The following PCDHGB3 variants were observed in gnomAD, a reference collection of about 807,000 sequenced individuals.
The protein encoded by PCDHGB3 is protocadherin gamma-B3.
In PCDHGB3, 40 loss-of-function variants were observed where a neutral mutation model predicts 59.2. That is an observed-to-expected ratio of 0.68 (90% confidence interval 0.52 to 0.88). The LOEUF (loss-of-function observed/expected upper bound fraction) is 0.88. Among genes scored for constraint, PCDHGB3 ranks in the 40% least tolerant of loss-of-function variants. The pLI, the probability that PCDHGB3 is intolerant of heterozygous loss-of-function variation, is 0.00. For synonymous variants in PCDHGB3, 581 were observed against 503.6 expected, an observed-to-expected ratio of 1.15 and a Z score of -2.06; for missense variants, 1,309 against 1,187.9, an observed-to-expected ratio of 1.10 and a Z score of -1.50.
chr5:141,444,305 A>G (rs62379165), intron 1 of PCDHGB3, among the ~76,000 whole-genome samples: 13,327 of 151,310 alleles, frequency 0.088, 765 homozygotes, highest in African/African-American at 0.16. Context: ...CCTAGTAGCT[A>G]GGATTACAGG....
At chr5:141,425,253 A>G (rs1019069029) in intron 1 of PCDHGB3, among the ~76,000 whole-genome samples, 12 of 152,196 alleles carry the variant, frequency 7.9e-5, no homozygotes, top group Non-Finnish European at 1.5e-4. Context: ...GATATGAGGT[A>G]TTTGGCTGGG....
intron 1 of PCDHGB3, among the ~76,000 whole-genome samples, chr5:141,435,043 C>T (rs2097739230): frequency 1.3e-5 from 2 of 151,658 alleles, no homozygotes; most frequent in African/African-American, 2.4e-5. Flanking sequence ...ATTTTTTTCC[C>T]ATTGACCATG....
chr5:141,431,506 G>T lies in PCDHGB3; in HGVS notation c.2415+58697G>T. 1.2e-6 allele frequency: 2 copies of T among 1,613,988 alleles called. No homozygotes were observed. Among genetic ancestry groups the T allele is most frequent in the South Asian group, 2.2e-5 (2 of 91,084 alleles). The stretch of plus-strand genomic sequence containing the variant: ...CGTTTGCTCAGCCCGAGTACCGCGC[G>T]AGCGTTCCGGAGAATCTGGCCTTGG... On this transcript the variant is annotated intron_variant, in intron 1 of 3. Coordinates refer to ENST00000576222, the MANE Select transcript of PCDHGB3 (RefSeq NM_018924.5). This position sits in a 1 kb window ranked among gnomAD's most constrained non-coding sequence, Gnocchi z 4.8.
chr5:141,418,246 C>T lies in PCDHGB3; in HGVS notation c.2415+45437C>T, dbSNP rs200526306. 4.5e-5 allele frequency: 72 copies of T among 1,614,020 alleles called. No individual in the cohort carries two copies. The African/African-American group carries it at 8.9e-4, about 20-fold the overall frequency. On this transcript the variant is annotated intron_variant, in intron 1 of 3. Coordinates refer to ENST00000576222, the MANE Select transcript of PCDHGB3 (RefSeq NM_018924.5). The stretch of plus-strand genomic sequence containing the variant: ...TGGTGATTGAGGATGTTAATGACCA[C>T]GCCCCTCAATTCCGGAAAGATGAAA...
intron 1 of PCDHGB3, chr5:141,410,847 G>GTTTTTTT (rs773839667): frequency 8.8e-5 from 14 of 158,320 alleles, no homozygotes; most frequent in African/African-American, 4.2e-4. Flanking sequence ...TTTTGTCTTT[G>GTTTTTTT]TCTTTTTTTT....
chr5:141,382,576 G>A (rs1778302308), intron 1 of PCDHGB3, among the ~76,000 whole-genome samples: 1 of 152,162 alleles, frequency 6.6e-6, no homozygotes, highest in Non-Finnish European at 1.5e-5. Context: ...ATCTAACAGG[G>A]AAATTTTGAA....
intron 1 of PCDHGB3, among the ~76,000 whole-genome samples, chr5:141,444,726 G>C (rs1296177763): frequency 6.6e-6 from 1 of 152,048 alleles, no homozygotes; most frequent in African/African-American, 2.4e-5. Flanking sequence ...TGGTGCCTTT[G>C]TTGAAAGTCA....
At chr5:141,382,929 C>A (rs1163790741) in intron 1 of PCDHGB3, 10 of 1,582,396 alleles carry the variant, frequency 6.3e-6, no homozygotes, top group Non-Finnish European at 8.6e-6. Flanking sequence ...GCGGGGACTA[C>A]AGAGGATTCT....
At chr5:141,459,710 C>T (rs2098973565) in intron 1 of PCDHGB3, among the ~76,000 whole-genome samples, 1 of 152,204 alleles carries the variant, frequency 6.6e-6, no homozygotes, top group Non-Finnish European at 1.5e-5. Flanking sequence ...CATTTTCTCA[C>T]CAATGCTTCC....
In PCDHGB3 at chr5:141,485,125, G is replaced by A. The variant is rs776015544; in HGVS notation, c.2416-9682G>A. 7.1e-7 allele frequency: 1 copy of A among 1,412,160 alleles called. No homozygotes were observed. The highest frequency in any genetic ancestry group is 1.2e-5 in the South Asian group (1 of 81,022). The allele number at this position is 1,412,160 out of a possible 1,614,324, so 87.5% of individuals were successfully genotyped here. On this transcript the variant is annotated intron_variant, in intron 1 of 3. Transcript: ENST00000576222. This position sits in a 1 kb window ranked among gnomAD's most constrained non-coding sequence, Gnocchi z 5.7. ...CTGCTGTGGCTGTTTGGGGCGGGTC[G>A]GCTTCATCCGCGTCTCAGGAGCAAG... is the stretch of plus-strand genomic sequence containing the variant.
rs938964469 is a variant in PCDHGB3 at position 141,485,439 on chromosome 5, C to T, written c.2416-9368C>T. On this transcript the variant is annotated intron_variant, in intron 1 of 3. Transcript: ENST00000576222. This position sits in a 1 kb window ranked among gnomAD's most constrained non-coding sequence, Gnocchi z 5.7. The stretch of plus-strand genomic sequence containing the variant: ...AGCGGAGCCCTGCTCATCAAGAACC[C>T]AATCGACCGAGAGGCACTGTGTGGG... The T allele has an allele frequency of 1.1e-5, 18 of 1,614,182 alleles. No homozygotes were observed. Among genetic ancestry groups the T allele is most frequent in the Non-Finnish European group, 1.5e-5 (18 of 1,180,036 alleles).
chr5:141,409,045 C>T (rs1228603483), intron 1 of PCDHGB3: 1 of 1,613,878 alleles, frequency 6.2e-7, no homozygotes, highest in Non-Finnish European at 8.5e-7. Flanking sequence ...ACTACTACTT[C>T]CGAAGCACTG....
chr5:141,498,565 G>C (rs2099784348), intron 2 of PCDHGB3, among the ~76,000 whole-genome samples: 1 of 152,044 alleles, frequency 6.6e-6, no homozygotes. Context: ...CTTCAAAGCA[G>C]GGCTAGTATT....
At position 141,432,872 on chromosome 5, in the gene PCDHGB3, C is replaced by T; in HGVS notation, c.2415+60063C>T. On this transcript the variant is annotated intron_variant, in intron 1 of 3. Transcript: ENST00000576222. This position sits in a 1 kb window ranked among gnomAD's most constrained non-coding sequence, Gnocchi z 6.0. ...GGTGGCCGCGGTCTCCTGCGTCTTC[C>T]TGGCCTTCGTCATCTTGCTGCTGGC... is the stretch of plus-strand genomic sequence containing the variant. 1.9e-6 allele frequency: 3 copies of T among 1,614,192 alleles called. No homozygotes were observed. Among genetic ancestry groups the T allele is most frequent in the Non-Finnish European group, 2.5e-6 (3 of 1,180,018 alleles).
chr5:141,486,474 C>G lies in PCDHGB3; in HGVS notation c.2416-8333C>G. ...ACTGCTTCTGATGCTGGGAACCCTC[C>G]TCTCAGTACCCACAGAACTATTTTC... On this transcript the variant is annotated intron_variant, in intron 1 of 3. Transcript: ENST00000576222. The surrounding 1 kb of genome is among the most constrained non-coding windows in gnomAD (Gnocchi z 5.0). The G allele has an allele frequency of 6.2e-7, 1 of 1,614,016 alleles. No individual in the cohort carries two copies. Among genetic ancestry groups the G allele is most frequent in the Non-Finnish European group, 8.5e-7 (1 of 1,179,822 alleles).
At chr5:141,404,479 A>C in intron 1 of PCDHGB3, 1 of 1,613,750 alleles carries the variant, frequency 6.2e-7, no homozygotes, top group South Asian at 1.1e-5. Context: ...CTATTAACTC[A>C]GACACTGGTG....
At chr5:141,505,151 G>T (rs2099844154) in intron 2 of PCDHGB3, among the ~76,000 whole-genome samples, 1 of 152,164 alleles carries the variant, frequency 6.6e-6, no homozygotes, top group Non-Finnish European at 1.5e-5. Context: ...GACAGAGTAA[G>T]ACCCTGTCTA....
At chr5:141,389,433 G>C in intron 1 of PCDHGB3, 1 of 1,610,628 alleles carries the variant, frequency 6.2e-7, no homozygotes, top group Non-Finnish European at 8.5e-7. Context: ...CGCGCAGCGC[G>C]CCTTCGACCA....
intron 1 of PCDHGB3, among the ~76,000 whole-genome samples, chr5:141,443,756 A>G (rs1234457212): frequency 6.6e-6 from 1 of 152,232 alleles, no homozygotes; most frequent in Non-Finnish European, 1.5e-5. Flanking sequence ...TTGGAAGCTT[A>G]CAATATACAA....
Sources: gnomAD v4.1 joint callset for allele counts (sites outside exome capture counted in the v4.1 genomes callset) on GRCh38, gnomAD v4.1.1 for gene constraint, Gnocchi (gnomAD v3.1) non-coding constraint, MANE v1.5 for transcripts, NCBI Gene and HGNC (gene_info 2026-07-23, HGNC 2026-07-21) for gene names.